The following WHRN variants were observed in gnomAD, a reference collection of about 807,000 sequenced individuals.
WHRN encodes the protein CASK-interacting protein CIP98.
WHRN carries 41 observed loss-of-function variants against 68.3 expected under a neutral mutation model. That is an observed-to-expected ratio of 0.60 (90% CI 0.47 to 0.78). WHRN has a LOEUF of 0.78. Ranked by LOEUF, WHRN falls within the 30% of genes least tolerant of loss-of-function variation. WHRN has a pLI of 0.00. For missense variants in WHRN, 1,243 were observed against 1,244.7 expected (o/e 1.00, Z 0.02); for synonymous variants, 560 against 561.3 (o/e 1.00, Z 0.03).
At chr9:114,456,622 G>A (rs1839824930) in intron 3 of WHRN, among the ~76,000 whole-genome samples, 1 of 152,070 alleles carries the variant, frequency 6.6e-6, no homozygotes, top group Non-Finnish European at 1.5e-5. Flanking sequence ...GAGGTGGGGA[G>A]TTTAAGACCA....
At chr9:114,403,175 A>C in intron 11 of WHRN, 42 bp downstream of exon 11, 1 of 1,612,536 alleles carries the variant, frequency 6.2e-7, no homozygotes, top group South Asian at 1.1e-5. Flanking sequence ...AGGGCCTTTC[A>C]GGGGTAGGGA....
chr9:114,438,230 T>C (rs1043698185), intron 3 of WHRN, among the ~76,000 whole-genome samples: 17 of 151,754 alleles, frequency 1.1e-4, no homozygotes, highest in South Asian at 1.0e-3. Context: ...GTGAGACAGA[T>C]TGGGTGCTGG....
chr9:114,418,998 A>G (rs912485030), intron 7 of WHRN, among the ~76,000 whole-genome samples: 1 of 152,158 alleles, frequency 6.6e-6, no homozygotes, highest in Non-Finnish European at 1.5e-5. Flanking sequence ...TAAATGCTCA[A>G]TATTTGTTAA....
At chr9:114,488,623 G>A (rs10982248) in intron 1 of WHRN, among the ~76,000 whole-genome samples, 65,013 of 151,938 alleles carry the variant, frequency 0.43, 15,745 homozygotes, top group East Asian at 0.6. Context: ...CTTGAACCCC[G>A]AGCAGGTGCT....
chr9:114,403,078 C>T (rs920363708), intron 11 of WHRN, 139 bp downstream of exon 11: 76 of 1,538,580 alleles, frequency 4.9e-5, no homozygotes, highest in Non-Finnish European at 6.3e-5. Flanking sequence ...AGCTGAGGCC[C>T]GGAAGAGCAA....
intron 7 of WHRN, among the ~76,000 whole-genome samples, chr9:114,422,473 TC>T (rs1836377755): frequency 6.6e-6 from 1 of 152,148 alleles, no homozygotes; most frequent in Non-Finnish European, 1.5e-5. Flanking sequence ...CCTCCAAGCA[TC>T]CAGGGGGCAG....
At chr9:114,438,088 A>T (rs1190218468) in intron 3 of WHRN, among the ~76,000 whole-genome samples, 1 of 152,154 alleles carries the variant, frequency 6.6e-6, no homozygotes, top group Non-Finnish European at 1.5e-5. Flanking sequence ...ACAAAAAATT[A>T]GCCAGGTGTG....
At chr9:114,422,827 G>A (rs1211380072) in intron 7 of WHRN, among the ~76,000 whole-genome samples, 1 of 152,070 alleles carries the variant, frequency 6.6e-6, no homozygotes, top group Non-Finnish European at 1.5e-5. Flanking sequence ...AGAGCAAGAA[G>A]CCATCTCGAA....
intron 3 of WHRN, among the ~76,000 whole-genome samples, chr9:114,448,063 C>A (rs1370149094): frequency 2.6e-5 from 4 of 152,130 alleles, no homozygotes; most frequent in South Asian, 2.1e-4. Context: ...TGTGTTCCCC[C>A]AAAAATATGT....
chr9:114,469,800 T>C (rs1216422060), intron 2 of WHRN, among the ~76,000 whole-genome samples: 2 of 152,194 alleles, frequency 1.3e-5, no homozygotes, highest in African/African-American at 4.8e-5. Flanking sequence ...AGGTTGGAAG[T>C]ATAAAGTGTG....
Position 114,402,755 on chromosome 9 carries a change from T to C in WHRN, c.2723A>G (p.Ter908TrpextTer76), listed in dbSNP as rs948286269. The change falls in exon 12 of 12, where the codon TAG (stop) becomes TGG (tryptophan). Residue 908 changes from the stop codon to tryptophan (W), a stop_lost. Coordinates refer to ENST00000362057, the MANE Select transcript of WHRN (RefSeq NM_015404.4). ...TGGGAGGCCCTCAGGCCTTGGCCTC[T>C]AGAGCATCACATTGAACTCAGTGAC... Reference protein sequence around the residue: ...FLVTEFNVML* With the variant: ...FLVTEFNVMLW 2.5e-6 allele frequency: 4 copies of C among 1,613,738 alleles called. No homozygotes were observed. The highest frequency in any genetic ancestry group is 3.4e-6 in the Non-Finnish European group (4 of 1,180,048).
intron 6 of WHRN, among the ~76,000 whole-genome samples, chr9:114,423,789 C>A (rs1236571308): frequency 6.6e-6 from 1 of 152,212 alleles, no homozygotes; most frequent in Non-Finnish European, 1.5e-5. Flanking sequence ...TTTCATGCCA[C>A]AAAGCCTCTG....
intron 2 of WHRN, among the ~76,000 whole-genome samples, chr9:114,467,733 T>C (rs1038829080): frequency 1.3e-4 from 20 of 152,052 alleles, no homozygotes; most frequent in Admixed American, 9.2e-4. Flanking sequence ...AGGTTAAGTG[T>C]GTCTCCGGTA....
Position 114,438,687 on chromosome 9 carries a change from A to G in WHRN, c.964-12274T>C, listed in dbSNP as rs535389715. ...AGGATGGTCGCTATCTCCTGACCTC[A>G]TGATCCGCCCGCCTTGGCCTCCCAA... On this transcript the variant is annotated intron_variant, in intron 3 of 11. Transcript: ENST00000362057. 8.0e-4 allele frequency among the ~76,000 whole-genome samples: 122 copies of G among 151,982 alleles called. 2 individuals are homozygous for G. Among genetic ancestry groups the G allele is most frequent in the Middle Eastern group, 6.8e-3 (2 of 294 alleles).
intron 1 of WHRN, among the ~76,000 whole-genome samples, chr9:114,487,871 G>GGAGT (rs1554740129): frequency 7.2e-6 from 1 of 139,320 alleles, no homozygotes; most frequent in African/African-American, 2.7e-5. Flanking sequence ...TTCTCCCAAG[G>GGAGT]GAGTGCTCAC....
intron 1 of WHRN, among the ~76,000 whole-genome samples, chr9:114,488,596 A>G (rs1842725043): frequency 6.6e-6 from 1 of 152,180 alleles, no homozygotes; most frequent in Non-Finnish European, 1.5e-5. Flanking sequence ...TGTAAACAAA[A>G]GAAAGTCCCT....
In WHRN at chr9:114,402,191, G is replaced by C. The variant is rs1834739253; in HGVS notation, c.*563C>G. 1 of 169,882 alleles carries C rather than the reference G, an allele frequency of 5.9e-6. No homozygotes were observed. The highest frequency in any genetic ancestry group is 5.5e-5 in the Admixed American group (1 of 18,328). The allele number at this position is 169,882 out of a possible 1,614,324, so 10.5% of individuals were successfully genotyped here. A position where few individuals can be genotyped will look rare whatever the true frequency, so the allele number is the denominator to read the frequency against. On this transcript the variant is annotated 3_prime_UTR_variant, in exon 12 of 12. Coordinates refer to ENST00000362057, the MANE Select transcript of WHRN (RefSeq NM_015404.4). ...CTCTGGGATAGGCTGGGGGTGCAGA[G>C]GGAAGCTGGGGCCTTGGGGTCCCCA...
chr9:114,403,830 C>A (rs1834833848), intron 10 of WHRN, 66 bp downstream of exon 10: 5 of 1,586,464 alleles, frequency 3.2e-6, no homozygotes, highest in Non-Finnish European at 3.4e-6. Flanking sequence ...GGTCCCGGGA[C>A]CTCCCATTCT....
chr9:114,407,957 T>C lies in WHRN; in HGVS notation c.1688A>G (p.Asp563Gly). Reference protein sequence around the residue: ...AVQGNINALPDVSVDDVRSTS... With the variant: ...AVQGNINALPGVSVDDVRSTS... ...CAGCCAGGGCCTTACCACGGACACA[T>C]CTGGGAGGGCGTTGATATTGCCCTG... Residue 563 changes from aspartate to glycine, a missense_variant, in exon 8 of 12, where the codon GAT (aspartate) becomes GGT (glycine). Asp to Gly is a moderately conservative substitution (Grantham distance 94). Coordinates refer to ENST00000362057, the MANE Select transcript of WHRN (RefSeq NM_015404.4). 1 of 1,602,338 alleles carries C rather than the reference T, an allele frequency of 6.2e-7. No homozygotes were observed. Among genetic ancestry groups the C allele is most frequent in the South Asian group, 1.1e-5 (1 of 88,974 alleles).
Sources: gnomAD v4.1 joint callset for allele counts (sites outside exome capture counted in the v4.1 genomes callset) on GRCh38, gnomAD v4.1.1 for gene constraint, MANE v1.5 for transcripts, NCBI Gene and HGNC (gene_info 2026-07-23, HGNC 2026-07-21) for gene names.